Variants in PLEKHA7 observed in about 807,000 individuals in gnomAD.
PLEKHA7 encodes pleckstrin homology domain containing A7, also known as pleckstrin homology domain-containing family A member 7.
In PLEKHA7, 104 loss-of-function variants were observed where a neutral mutation model predicts 170.0. The ratio of observed to expected loss-of-function variants is 0.61; its 90% CI spans 0.52 to 0.72. PLEKHA7 has a LOEUF of 0.72. Ranked by LOEUF, PLEKHA7 falls within the 30% of genes least tolerant of loss-of-function variation. The pLI, the probability that PLEKHA7 is intolerant of heterozygous loss-of-function variation, is 0.00. For synonymous variants in PLEKHA7, 648 were observed against 660.8 expected, an observed-to-expected ratio of 0.98 and a Z score of 0.30; for missense variants, 1,615 against 1,671.7, an observed-to-expected ratio of 0.97 and a Z score of 0.59.
chr11:16,778,844 C>A lies in PLEKHA7; in HGVS notation c.*154G>T, dbSNP rs1013774134. ...CTAGTGGGTGCATATTAGGGCCTGG[C>A]CTGTGGTGAACACCCGCAGTCGGTA... On this transcript the variant is annotated 3_prime_UTR_variant, in exon 27 of 27. Coordinates refer to ENST00000531066, the MANE Select transcript of PLEKHA7 (RefSeq NM_001329630.2). 3 of 666,262 alleles carry A rather than the reference C, an allele frequency of 4.5e-6. No individual in the cohort carries two copies. The highest frequency in any genetic ancestry group is 8.2e-6 in the Non-Finnish European group (3 of 366,770). 41.3% of individuals were successfully genotyped at this position (666,262 alleles called of 1,614,324 possible). A position where few individuals can be genotyped will look rare whatever the true frequency, so the allele number is the denominator to read the frequency against.
At chr11:16,826,735 G>T in intron 9 of PLEKHA7, 145 bp from the exon 10 acceptor site, 1 of 752,574 alleles carries the variant, frequency 1.3e-6, no homozygotes, top group Non-Finnish European at 2.1e-6. Context: ...CACTCTGCCT[G>T]CCTAACTTCT....
intron 3 of PLEKHA7, among the ~76,000 whole-genome samples, chr11:16,889,420 A>AAAAAAAAAATATATAT (rs61086849): frequency 4.2e-4 from 31 of 74,656 alleles, no homozygotes; most frequent in Non-Finnish European, 6.4e-4. Flanking sequence ...AAAAAAAAAA[A>AAAAAAAAAATATATAT]ATATATATAT....
intron 3 of PLEKHA7, among the ~76,000 whole-genome samples, chr11:16,889,851 A>G (rs528725793): frequency 6.6e-6 from 1 of 152,262 alleles, no homozygotes; most frequent in Non-Finnish European, 1.5e-5. Context: ...GCATATAGTC[A>G]TCAGACTATT....
intron 8 of PLEKHA7, 73 bp from the exon 9 acceptor site, chr11:16,841,795 A>T: frequency 6.8e-7 from 1 of 1,469,888 alleles, no homozygotes; most frequent in Non-Finnish European, 9.2e-7. Context: ...AAAAGCAAGG[A>T]GGCACTATGG....
intron 13 of PLEKHA7, among the ~76,000 whole-genome samples, chr11:16,808,070 T>A (rs903206467): frequency 5.3e-5 from 8 of 151,692 alleles, no homozygotes; most frequent in African/African-American, 1.9e-4. Flanking sequence ...GGACCCAAGA[T>A]TTTGCGTTTC....
intron 3 of PLEKHA7, among the ~76,000 whole-genome samples, chr11:16,966,255 T>C (rs1343280749): frequency 1.3e-5 from 2 of 151,808 alleles, no homozygotes; most frequent in African/African-American, 4.8e-5. Context: ...TGAGGACAGA[T>C]GCAGAAATGG....
chr11:16,836,796 C>CT lies in PLEKHA7; in HGVS notation c.872+4750dup, dbSNP rs376257161. On this transcript the variant is annotated intron_variant, in intron 9 of 26. Coordinates refer to ENST00000531066, the MANE Select transcript of PLEKHA7 (RefSeq NM_001329630.2). ...TTTTATTTTGTTTTAGTTTCCTGGG[C>CT]TTTTTTTTTTTGTTTTTTCTGTTTT... is the stretch of plus-strand genomic sequence containing the variant. Among the ~76,000 whole-genome samples the CT allele has an allele frequency of 4.3e-3, 580 of 134,158 alleles. 2 individuals are homozygous for CT. The highest frequency in any genetic ancestry group is 8.6e-3 in the African/African-American group (297 of 34,368). The allele number at this position is 134,158 out of a possible 152,430, so 88.0% of individuals were successfully genotyped here.
chr11:16,947,523 G>GAGCT (rs1861107130), intron 3 of PLEKHA7, among the ~76,000 whole-genome samples: 12 of 151,320 alleles, frequency 7.9e-5, no homozygotes, highest in Admixed American at 7.9e-4. Flanking sequence ...CCAGGGAGGT[G>GAGCT]GAGGTTGCAG....
At chr11:16,984,886 G>T (rs1034068407) in intron 3 of PLEKHA7, among the ~76,000 whole-genome samples, 1 of 152,192 alleles carries the variant, frequency 6.6e-6, no homozygotes, top group African/African-American at 2.4e-5. Context: ...ACTGACTATA[G>T]ATGTGGAAAC....
intron 4 of PLEKHA7, among the ~76,000 whole-genome samples, chr11:16,862,475 G>A (rs1379858756): frequency 1.3e-5 from 2 of 152,104 alleles, no homozygotes; most frequent in Non-Finnish European, 1.5e-5. Flanking sequence ...TTTTACTGGA[G>A]ATCTGAGCAC....
chr11:16,939,472 TA>T (rs1241404968), intron 3 of PLEKHA7, among the ~76,000 whole-genome samples: 2 of 152,120 alleles, frequency 1.3e-5, no homozygotes, highest in Non-Finnish European at 2.9e-5. Flanking sequence ...ACAACATAGA[TA>T]AAAGCTATGA....
intron 3 of PLEKHA7, among the ~76,000 whole-genome samples, chr11:16,895,274 C>T (rs1449878611): frequency 6.6e-6 from 1 of 152,196 alleles, no homozygotes; most frequent in Non-Finnish European, 1.5e-5. Flanking sequence ...TGGACACTGA[C>T]TGGCTGGAAA....
intron 3 of PLEKHA7, among the ~76,000 whole-genome samples, chr11:16,936,522 T>C (rs1264018830): frequency 1.3e-5 from 2 of 151,952 alleles, no homozygotes; most frequent in Non-Finnish European, 1.5e-5. Flanking sequence ...ATGTACTTCC[T>C]GGCATGTTGT....
intron 3 of PLEKHA7, among the ~76,000 whole-genome samples, chr11:16,920,811 C>A (rs137974477): frequency 6.6e-6 from 1 of 152,218 alleles, no homozygotes; most frequent in Non-Finnish European, 1.5e-5. Context: ...TCTTTGCTAA[C>A]CAGAGCCCTA....
rs759119516 is a variant in PLEKHA7 at position 16,778,920 on chromosome 11, T to C, written c.*78A>G. On this transcript the variant is annotated 3_prime_UTR_variant, in exon 27 of 27. Transcript: ENST00000531066. ...CCCTGCTCAGCTGGAAGGGGTTTCC[T>C]TGGGGGCAGAAAGGTCATCTCCTTG... 3 of 702,106 alleles carry C rather than the reference T, an allele frequency of 4.3e-6. No homozygotes were observed. Among genetic ancestry groups the C allele is most frequent in the East Asian group, 2.7e-5 (1 of 37,278 alleles). 43.5% of individuals were successfully genotyped at this position (702,106 alleles called of 1,614,324 possible). A position where few individuals can be genotyped will look rare whatever the true frequency, so the allele number is the denominator to read the frequency against.
At position 16,790,790 on chromosome 11, in the gene PLEKHA7, T is replaced by G. The variant is rs773108140; in HGVS notation, c.3052+8A>C. The stretch of plus-strand genomic sequence containing the variant: ...CCCAGAGAAACTCCAGGGAGGGCCC[T>G]GCCTTACCTCTGCCTGGCAGCGTCT... On this transcript the variant is annotated splice_region_variant and intron_variant, in intron 21 of 26. Coordinates refer to ENST00000531066, the MANE Select transcript of PLEKHA7 (RefSeq NM_001329630.2). 6.2e-7 allele frequency: 1 copy of G among 1,607,308 alleles called. No homozygotes were observed. The highest frequency in any genetic ancestry group is 1.1e-5 in the South Asian group (1 of 89,888).
rs780809890 is a variant in PLEKHA7, at chr11:16,871,121, T to C, written c.283A>G (p.Ser95Gly). The change falls in exon 4 of 27, where the codon AGT becomes GGT. Residue 95 changes from serine (S) to glycine (G), a missense_variant. Physicochemically the swap from Ser to Gly is moderately conservative, Grantham distance 56 (BLOSUM62 0). Transcript: ENST00000531066. ...TACTCTTCTTGAAGAATGAATTCAC[T>C]ATTTTCTGGAGAAAACTGTCCCGTC... ...PVTGQFSPENSEFILQEEPNP... is the reference protein window; with the variant it reads ...PVTGQFSPENGEFILQEEPNP... 6.2e-7 allele frequency: 1 copy of C among 1,604,226 alleles called. No individual in the cohort carries two copies. The highest frequency in any genetic ancestry group is 8.5e-7 in the Non-Finnish European group (1 of 1,171,220).
chr11:16,835,248 G>A (rs1001805992), intron 9 of PLEKHA7, among the ~76,000 whole-genome samples: 2 of 152,212 alleles, frequency 1.3e-5, no homozygotes, highest in African/African-American at 2.4e-5. Context: ...TCCAGCCTGG[G>A]TGACAGAGCG....
At chr11:16,902,558 C>A (rs1264112148) in intron 3 of PLEKHA7, among the ~76,000 whole-genome samples, 1 of 152,156 alleles carries the variant, frequency 6.6e-6, no homozygotes, top group Non-Finnish European at 1.5e-5. Context: ...AGTAGTATTT[C>A]ATTACGGTTT....
Sources: gnomAD v4.1 joint callset for allele counts (sites outside exome capture counted in the v4.1 genomes callset) on GRCh38, gnomAD v4.1.1 for gene constraint, MANE v1.5 for transcripts, NCBI Gene and HGNC (gene_info 2026-07-23, HGNC 2026-07-21) for gene names.